The following ZNF618 variants were observed in gnomAD, a reference collection of about 807,000 sequenced individuals.
The protein encoded by ZNF618 is zinc finger protein 618, also known as neural precursor cell expressed, developmentally down-regulated 10.
Under a neutral mutation model 103.0 loss-of-function variants are expected in ZNF618, and 34 were observed. That is an observed-to-expected ratio of 0.33 (90% CI 0.25 to 0.44). The LOEUF is 0.44. Ranked by LOEUF, ZNF618 falls within the 20% of genes least tolerant of loss-of-function variation. The pLI is 1.00. For synonymous variants in ZNF618, 551 were observed against 542.2 expected (o/e 1.02, Z -0.23); for missense variants, 1,059 against 1,295.4 (o/e 0.82, Z 2.80).
chr9:114,024,040 T>C (rs1181730224), intron 10 of ZNF618, among the ~76,000 whole-genome samples: 1 of 152,222 alleles, frequency 6.6e-6, no homozygotes, highest in Non-Finnish European at 1.5e-5. Flanking sequence ...CTCTTTTCTC[T>C]CTTGTTGAGA....
At chr9:113,951,442 C>CATATAGGTGTATATATACAT (rs1835643757) in intron 1 of ZNF618, among the ~76,000 whole-genome samples, 1 of 49,256 alleles carries the variant, frequency 2.0e-5, no homozygotes, top group Non-Finnish European at 4.0e-5. Flanking sequence ...TATATATATA[C>CATATAGGTGTATATATACAT]ATATATGTGT....
intron 1 of ZNF618, among the ~76,000 whole-genome samples, chr9:113,920,608 G>A (rs1588044591): frequency 6.6e-6 from 1 of 152,022 alleles, no homozygotes. Context: ...CACCATGTTG[G>A]CCAGATTGGT....
intron 1 of ZNF618, among the ~76,000 whole-genome samples, chr9:113,951,559 G>GCACACA (rs1835748298): frequency 2.8e-5 from 1 of 36,046 alleles, no homozygotes; most frequent in Non-Finnish European, 6.3e-5. Flanking sequence ...ATATGTGTGT[G>GCACACA]TATATGTGTG....
chr9:113,881,367 C>T (rs1258926458), intron 1 of ZNF618, among the ~76,000 whole-genome samples: 7 of 152,008 alleles, frequency 4.6e-5, no homozygotes, highest in Admixed American at 2.6e-4. Flanking sequence ...GCCCCCGTTG[C>T]GAGCCACATA....
At chr9:113,931,026 T>G (rs1292812812) in intron 1 of ZNF618, among the ~76,000 whole-genome samples, 1 of 152,202 alleles carries the variant, frequency 6.6e-6, no homozygotes, top group Admixed American at 6.5e-5. Flanking sequence ...GAGTTTTACT[T>G]TTTTAGGATA....
At chr9:113,911,126 G>A (rs1453651042) in intron 1 of ZNF618, among the ~76,000 whole-genome samples, 2 of 152,064 alleles carry the variant, frequency 1.3e-5, no homozygotes, top group African/African-American at 2.4e-5. Context: ...GAGCCACCGC[G>A]CCCGGCCTGA....
At chr9:113,939,682 T>C (rs555001167) in intron 1 of ZNF618, among the ~76,000 whole-genome samples, 7 of 152,100 alleles carry the variant, frequency 4.6e-5, no homozygotes, top group Non-Finnish European at 1.0e-4. Context: ...TGAGTCAATT[T>C]TGGGTAATTT....
intron 1 of ZNF618, among the ~76,000 whole-genome samples, chr9:113,910,394 C>G (rs1021043975): frequency 6.6e-6 from 1 of 152,096 alleles, no homozygotes; most frequent in African/African-American, 2.4e-5. Context: ...CCACTTAGCT[C>G]GAGCCAGCTG....
intron 1 of ZNF618, among the ~76,000 whole-genome samples, chr9:113,895,556 G>A (rs1166202155): frequency 6.6e-6 from 1 of 152,038 alleles, no homozygotes; most frequent in Non-Finnish European, 1.5e-5. Flanking sequence ...TGCTAGTATA[G>A]GGGTTATAAA....
chr9:113,929,526 A>T (rs1281378542), intron 1 of ZNF618, among the ~76,000 whole-genome samples: 1 of 152,212 alleles, frequency 6.6e-6, no homozygotes, highest in Admixed American at 6.5e-5. Context: ...CTCCTATTTC[A>T]AAACTCTGCT....
At chr9:113,926,544 A>G (rs1833112155) in intron 1 of ZNF618, among the ~76,000 whole-genome samples, 1 of 151,894 alleles carries the variant, frequency 6.6e-6, no homozygotes, top group Non-Finnish European at 1.5e-5. Flanking sequence ...GTTTTTGGAT[A>G]TTTGGCTCTA....
chr9:114,016,230 T>C, intron 9 of ZNF618: 1 of 1,429,542 alleles, frequency 7.0e-7, no homozygotes, highest in Non-Finnish European at 9.8e-7. Flanking sequence ...TGCTAGTGGG[T>C]GGGGGGTGCT....
At position 113,998,287 on chromosome 9, in the gene ZNF618, C is replaced by CG; in HGVS notation, c.368dup (p.Gly124TrpfsTer14). 1 of 1,550,602 alleles carries CG rather than the reference C, an allele frequency of 6.4e-7. No individual in the cohort carries two copies. Among genetic ancestry groups the CG allele is most frequent in the African/African-American group, 1.4e-5 (1 of 73,162 alleles). On this transcript the variant is annotated frameshift_variant, in exon 4 of 15. Transcript: ENST00000374126. LOFTEE classifies it high-confidence loss of function. ...GAAAAGCGCCCGAAGGCAGCCCCCACGGTGGATCTGTGCGAAGCCGGTATT... is the reference window on the plus strand; with the variant it reads ...GAAAAGCGCCCGAAGGCAGCCCCCACGGGTGGATCTGTGCGAAGCCGGTATT...
chr9:113,901,298 C>G (rs996731854), intron 1 of ZNF618, among the ~76,000 whole-genome samples: 1 of 152,200 alleles, frequency 6.6e-6, no homozygotes, highest in Non-Finnish European at 1.5e-5. Flanking sequence ...CTCAGCGTCT[C>G]CAACATTTAA....
In ZNF618 at chr9:113,902,267, G is replaced by T. The variant is rs376823518; in HGVS notation, c.33+25854G>T. Among the ~76,000 whole-genome samples the T allele has an allele frequency of 2.6e-4, 40 of 152,278 alleles. No individual in the cohort carries two copies. In the South Asian group the frequency reaches 8.1e-3, roughly 31 times the overall value. ...GGGCTGGTTCAGAGAACCCCATGTG[G>T]AGTTAGTTATGAAGATTAAATGAAT... On this transcript the variant is annotated intron_variant, in intron 1 of 14. Transcript: ENST00000374126.
chr9:113,950,114 A>T (rs575591095), intron 1 of ZNF618, among the ~76,000 whole-genome samples: 1 of 152,362 alleles, frequency 6.6e-6, no homozygotes, highest in East Asian at 1.9e-4. Context: ...AAAGAGAAAG[A>T]GGCTTCAAAA....
In ZNF618 at chr9:113,988,395, G is replaced by A. The variant is rs781598929; in HGVS notation, c.152G>A (p.Ser51Asn). The A allele has an allele frequency of 6.2e-7, 1 of 1,613,648 alleles. No homozygotes were observed. Among genetic ancestry groups the A allele is most frequent in the African/African-American group, 1.3e-5 (1 of 75,068 alleles). Reference protein sequence around the residue: ...PEPVPAEASLSAEQGTMTEVK... With the variant: ...PEPVPAEASLNAEQGTMTEVK... ...CCAGTGCCAGCCGAGGCCTCGCTGA[G>A]TGCCGAGCAAGGAACGATGACGGAG... Residue 51 changes from serine (S) to asparagine (N), a missense_variant, in exon 3 of 15, where the codon AGT becomes AAT. Ser to Asn is a conservative substitution (Grantham distance 46, BLOSUM62 1). Coordinates refer to ENST00000374126, the MANE Select transcript of ZNF618 (RefSeq NM_001318042.2).
intron 1 of ZNF618, among the ~76,000 whole-genome samples, chr9:113,962,778 C>T (rs780169644): frequency 1.1e-4 from 17 of 152,172 alleles, no homozygotes; most frequent in Admixed American, 2.6e-4. Context: ...CATTCCTGAC[C>T]ACCCTATCCT....
chr9:113,951,712 G>A (rs1018157720), intron 1 of ZNF618, among the ~76,000 whole-genome samples: 1 of 151,582 alleles, frequency 6.6e-6, no homozygotes, highest in African/African-American at 2.4e-5. Flanking sequence ...GTACATAGTG[G>A]CTTTTCAGTT....
Sources: allele counts gnomAD v4.1 joint callset (sites outside exome capture counted in the v4.1 genomes callset), GRCh38; gene constraint gnomAD v4.1.1; transcripts MANE v1.5; gene names NCBI Gene and HGNC (gene_info 2026-07-23, HGNC 2026-07-21).